The following SIAH3 variants were observed in gnomAD, a reference collection of about 807,000 sequenced individuals.
SIAH3 encodes siah E3 ubiquitin protein ligase family member 3, also known as seven in absentia homolog 3.
In SIAH3, 9 loss-of-function variants were observed where a neutral mutation model predicts 12.6. The observed-to-expected ratio is 0.72, with a 90% CI of 0.43 to 1.25. SIAH3 has a LOEUF of 1.25. Ranked by LOEUF, SIAH3 falls within the 50% of genes most tolerant of loss-of-function variation. SIAH3 has a pLI of 0.00. For synonymous variants in SIAH3, 154 were observed against 151.1 expected (o/e 1.02, Z -0.14); for missense variants, 390 against 365.4 (o/e 1.07, Z -0.55).
Position 45,780,471 on chromosome 13 carries a change from T to C in SIAH3, c.*2912A>G, listed in dbSNP as rs1413091786. On this transcript the variant is annotated 3_prime_UTR_variant, in exon 2 of 2. Coordinates refer to ENST00000400405, the MANE Select transcript of SIAH3 (RefSeq NM_198849.3). ...TTTGTAGAAATGAAGTCTCGCTATATTGCCCAGGCTGGTCTCAAACTCCTG... is the reference window on the plus strand; with the variant it reads ...TTTGTAGAAATGAAGTCTCGCTATACTGCCCAGGCTGGTCTCAAACTCCTG... The C allele has an allele frequency of 6.6e-6, 1 of 152,204 alleles. No individual in the cohort carries two copies. The highest frequency in any genetic ancestry group is 2.4e-5 in the African/African-American group (1 of 41,370). The allele number at this position is 152,204 out of a possible 1,614,324, so 9.4% of individuals were successfully genotyped here. A position where few individuals can be genotyped will look rare whatever the true frequency, so the allele number is the denominator to read the frequency against.
At chr13:45,814,156 G>A (rs192975168) in intron 1 of SIAH3, among the ~76,000 whole-genome samples, 339 of 148,520 alleles carry the variant, frequency 2.3e-3, no homozygotes, top group African/African-American at 7.9e-3. Flanking sequence ...GGAGAATGGC[G>A]TGAACCCGGG....
At chr13:45,830,575 C>T (rs1273971679) in intron 1 of SIAH3, among the ~76,000 whole-genome samples, 1 of 152,232 alleles carries the variant, frequency 6.6e-6, no homozygotes, top group Non-Finnish European at 1.5e-5. Context: ...CAAGAGGCAA[C>T]TTGCTTCATT....
intron 1 of SIAH3, among the ~76,000 whole-genome samples, chr13:45,823,311 C>T (rs1425724974): frequency 6.6e-6 from 1 of 152,074 alleles, no homozygotes; most frequent in Non-Finnish European, 1.5e-5. Context: ...TAAAAGCTCC[C>T]CAGGCAATTC....
chr13:45,834,145 T>C (rs1464923262), intron 1 of SIAH3, among the ~76,000 whole-genome samples: 1 of 152,204 alleles, frequency 6.6e-6, no homozygotes, highest in Non-Finnish European at 1.5e-5. Context: ...GTCATTACAT[T>C]CCAAACAATT....
intron 1 of SIAH3, among the ~76,000 whole-genome samples, chr13:45,791,318 T>C (rs1208333763): frequency 6.6e-6 from 1 of 152,152 alleles, no homozygotes; most frequent in Non-Finnish European, 1.5e-5. Context: ...TCAATAAATG[T>C]TGGGTTAGTG....
chr13:45,795,267 A>G (rs1950558740), intron 1 of SIAH3, among the ~76,000 whole-genome samples: 1 of 152,208 alleles, frequency 6.6e-6, no homozygotes, highest in Non-Finnish European at 1.5e-5. Flanking sequence ...AGAGATACAC[A>G]AAGAAACCCA....
intron 1 of SIAH3, among the ~76,000 whole-genome samples, chr13:45,796,785 C>T (rs981831737): frequency 3.3e-5 from 5 of 152,234 alleles, no homozygotes; most frequent in African/African-American, 1.2e-4. Context: ...TGCAATGTGG[C>T]TCTCCTCACA....
chr13:45,814,112 A>G (rs9590933), intron 1 of SIAH3, among the ~76,000 whole-genome samples: 11,086 of 151,406 alleles, frequency 0.073, 1,332 homozygotes, highest in African/African-American at 0.25. Context: ...GGTGGCGGGC[A>G]CCTGTAGTCC....
intron 1 of SIAH3, among the ~76,000 whole-genome samples, chr13:45,833,716 G>T (rs1028591347): frequency 3.3e-5 from 5 of 152,156 alleles, no homozygotes; most frequent in African/African-American, 1.2e-4. Context: ...GCAACAGGGG[G>T]ACAGACTCAG....
chr13:45,835,582 G>A, intron 1 of SIAH3, among the ~76,000 whole-genome samples: 1 of 152,132 alleles, frequency 6.6e-6, no homozygotes, highest in East Asian at 1.9e-4. Context: ...GGAAACTGAG[G>A]TCCCCAAAAA....
At chr13:45,801,098 G>T (rs531254095) in intron 1 of SIAH3, among the ~76,000 whole-genome samples, 1 of 122,880 alleles carries the variant, frequency 8.1e-6, no homozygotes, top group Non-Finnish European at 1.9e-5. Flanking sequence ...TGGGTGGCGG[G>T]GGGGGGCATG....
chr13:45,809,270 C>A (rs779616315), intron 1 of SIAH3, among the ~76,000 whole-genome samples: 4 of 152,314 alleles, frequency 2.6e-5, no homozygotes, highest in Non-Finnish European at 4.4e-5. Context: ...TTTTGTTCCA[C>A]CCTTAAGGCT....
intron 1 of SIAH3, among the ~76,000 whole-genome samples, chr13:45,819,613 C>A (rs1332921794): frequency 6.6e-6 from 1 of 152,170 alleles, no homozygotes; most frequent in Non-Finnish European, 1.5e-5. Context: ...GGTGGCCACA[C>A]AATGTGGCTT....
At chr13:45,791,373 TTGAATGAA>T (rs1340542957) in intron 1 of SIAH3, among the ~76,000 whole-genome samples, 2 of 152,244 alleles carry the variant, frequency 1.3e-5, no homozygotes, top group Non-Finnish European at 2.9e-5. Context: ...TATATGCTGC[TTGAATGAA>T]TGAATGAATG....
At chr13:45,795,311 T>C (rs1212741540) in intron 1 of SIAH3, among the ~76,000 whole-genome samples, 2 of 152,182 alleles carry the variant, frequency 1.3e-5, no homozygotes, top group Non-Finnish European at 2.9e-5. Flanking sequence ...TTAAGGATGA[T>C]GTTTATGTGA....
intron 1 of SIAH3, among the ~76,000 whole-genome samples, chr13:45,834,055 T>C (rs767580822): frequency 3.3e-5 from 5 of 152,094 alleles, no homozygotes; most frequent in Non-Finnish European, 5.9e-5. Flanking sequence ...TTCTGTACCA[T>C]TCAGCCTGGC....
At chr13:45,827,291 G>A (rs117392590) in intron 1 of SIAH3, among the ~76,000 whole-genome samples, 3,222 of 152,242 alleles carry the variant, frequency 0.021, 84 homozygotes, top group Admixed American at 0.064. Context: ...TGCAGCCAGT[G>A]TCTTGCAAAC....
chr13:45,783,480 T>C lies in SIAH3; in HGVS notation c.713A>G (p.Asn238Ser), dbSNP rs1290905678. 2 of 1,614,038 alleles carry C rather than the reference T, an allele frequency of 1.2e-6. No individual in the cohort carries two copies. The highest frequency in any genetic ancestry group is 2.2e-5 in the South Asian group (2 of 91,080). ...AGAGAAGAGCTGTGCCAGCGAGGTGTTGAGGACGAGGCAGTCCCCGTCCGT... is the reference window on the plus strand; with the variant it reads ...AGAGAAGAGCTGTGCCAGCGAGGTGCTGAGGACGAGGCAGTCCCCGTCCGT... ...VITDGDCLVL[N>S]TSLAQLFSDN... Residue 238 changes from asparagine to serine, a missense_variant, in exon 2 of 2, where the codon AAC (asparagine) becomes AGC (serine). Transcript: ENST00000400405.
intron 1 of SIAH3, among the ~76,000 whole-genome samples, chr13:45,816,053 G>A (rs1230264271): frequency 6.6e-6 from 1 of 152,246 alleles, no homozygotes; most frequent in African/African-American, 2.4e-5. Context: ...CCGAGGCACA[G>A]AGAAATGTAG....
Sources: allele counts gnomAD v4.1 joint callset (sites outside exome capture counted in the v4.1 genomes callset), GRCh38; gene constraint gnomAD v4.1.1; transcripts MANE v1.5; gene names NCBI Gene and HGNC (gene_info 2026-07-23, HGNC 2026-07-21).